FAM120A: variants seen among roughly 807,000 people sequenced by gnomAD.
FAM120A encodes the protein family with sequence similarity 120 member A, also known as constitutive coactivator of PPAR-gamma-like protein 1.
A neutral mutation model predicts 109.7 loss-of-function variants in FAM120A; 15 were observed. The observed-to-expected ratio is 0.14, with a 90% CI of 0.09 to 0.21. FAM120A has a LOEUF of 0.21. Among genes scored for constraint, FAM120A ranks in the 10% least tolerant of loss-of-function variants. The probability of loss-of-function intolerance (pLI) is 1.00; values close to 1 mark genes in which losing one functional copy is unlikely to be tolerated. For synonymous variants in FAM120A, 493 were observed against 572.8 expected, an observed-to-expected ratio of 0.86 and a Z score of 1.99; for missense variants, 899 against 1,439.3, an observed-to-expected ratio of 0.62 and a Z score of 6.07.
chr9:93,481,779 C>T (rs1858818599), intron 3 of FAM120A, among the ~76,000 whole-genome samples: 6 of 152,150 alleles, frequency 3.9e-5, no homozygotes, highest in Admixed American at 2.6e-4. Flanking sequence ...CTGCAGTTCC[C>T]AGTCTTTTTG....
chr9:93,478,283 T>G (rs942595715), intron 3 of FAM120A, among the ~76,000 whole-genome samples: 2 of 151,978 alleles, frequency 1.3e-5, no homozygotes, highest in African/African-American at 4.8e-5. Context: ...TTATAGGTTT[T>G]TTTTTTTTTG....
At chr9:93,490,803 C>T (rs1400158343) in intron 3 of FAM120A, among the ~76,000 whole-genome samples, 2 of 152,180 alleles carry the variant, frequency 1.3e-5, no homozygotes, top group Non-Finnish European at 2.9e-5. Context: ...TTCCTTAAGA[C>T]GCCCCTTGAG....
At chr9:93,559,267 C>T (rs1395506569) in intron 15 of FAM120A, among the ~76,000 whole-genome samples, 2 of 152,200 alleles carry the variant, frequency 1.3e-5, no homozygotes, top group African/African-American at 4.8e-5. Flanking sequence ...TAACATTTAG[C>T]ATAGGAAGCA....
intron 2 of FAM120A, among the ~76,000 whole-genome samples, chr9:93,474,100 A>G (rs1303900120): frequency 1.3e-5 from 2 of 152,160 alleles, no homozygotes; most frequent in East Asian, 1.9e-4. Context: ...ATCAATTGCA[A>G]TATGTTGTCA....
chr9:93,476,964 C>T (rs933315245), intron 3 of FAM120A, among the ~76,000 whole-genome samples: 5 of 152,078 alleles, frequency 3.3e-5, no homozygotes, highest in South Asian at 2.1e-4. Context: ...GAGATATGCA[C>T]GAGGCACTGG....
intron 12 of FAM120A, among the ~76,000 whole-genome samples, chr9:93,552,283 C>G (rs1472058162): frequency 2.0e-5 from 3 of 152,334 alleles, no homozygotes; most frequent in Non-Finnish European, 4.4e-5. Flanking sequence ...CAATCACACT[C>G]TAAGCTTTCA....
chr9:93,527,945 A>C (rs372448340), intron 8 of FAM120A, among the ~76,000 whole-genome samples: 1 of 151,904 alleles, frequency 6.6e-6, no homozygotes, highest in South Asian at 2.1e-4. Context: ...TTCTACTTCT[A>C]CCTGTTAATA....
chr9:93,539,233 G>A (rs1271321824), intron 10 of FAM120A, among the ~76,000 whole-genome samples: 1 of 152,014 alleles, frequency 6.6e-6, no homozygotes, highest in African/African-American at 2.4e-5. Flanking sequence ...TCCTGACCTC[G>A]TGATCCGCCC....
intron 3 of FAM120A, among the ~76,000 whole-genome samples, chr9:93,494,140 C>G (rs1217577008): frequency 1.3e-5 from 2 of 152,200 alleles, no homozygotes; most frequent in Non-Finnish European, 2.9e-5. Context: ...GAAGCTTCAG[C>G]TGCAGCTTTG....
At chr9:93,549,057 A>T (rs1273824920) in intron 11 of FAM120A, among the ~76,000 whole-genome samples, 1 of 150,998 alleles carries the variant, frequency 6.6e-6, no homozygotes, top group Admixed American at 6.6e-5. Flanking sequence ...AAAACAAAAC[A>T]AAAACAAACC....
chr9:93,455,952 C>T (rs944063345), intron 1 of FAM120A, among the ~76,000 whole-genome samples: 12 of 152,206 alleles, frequency 7.9e-5, no homozygotes, highest in African/African-American at 2.9e-4. Flanking sequence ...TGAGCCACTG[C>T]GCCTGGCCAG....
Position 93,558,727 on chromosome 9 carries a change from A to G in FAM120A, c.2806+9A>G. 6.2e-7 allele frequency: 1 copy of G among 1,612,122 alleles called. No individual in the cohort carries two copies. The highest frequency in any genetic ancestry group is 1.1e-5 in the South Asian group (1 of 91,038). ...TAGCAAGTCCCAGGGCGGTAATTATACCCACCCCTTCCCAGAGCTTCTGCC... is the reference window on the plus strand; with the variant it reads ...TAGCAAGTCCCAGGGCGGTAATTATGCCCACCCCTTCCCAGAGCTTCTGCC... On this transcript the variant is annotated intron_variant, in intron 15 of 17. Transcript: ENST00000277165.
intron 3 of FAM120A, among the ~76,000 whole-genome samples, chr9:93,482,678 G>A (rs901474317): frequency 1.3e-5 from 2 of 152,198 alleles, no homozygotes; most frequent in African/African-American, 4.8e-5. Flanking sequence ...AGGGCCGTCA[G>A]TCTGGCCTTC....
At chr9:93,476,381 C>A in intron 3 of FAM120A, 43 bp downstream of exon 3, 1 of 1,308,484 alleles carries the variant, frequency 7.6e-7, no homozygotes, top group Non-Finnish European at 1.1e-6. Context: ...TAATAATCAA[C>A]TGTGAGTTTG....
chr9:93,466,148 C>G lies in FAM120A; in HGVS notation c.475-4993C>G, dbSNP rs550205606. On this transcript the variant is annotated intron_variant, in intron 1 of 17. Transcript: ENST00000277165. ...TTCGCTTATTTATAACATCCTCATA[C>G]TTTGGAAGCAGTAGATGAGTCCAGT... 1.1e-4 allele frequency among the ~76,000 whole-genome samples: 16 copies of G among 152,218 alleles called. 1 individual carries two copies. In the South Asian group the frequency reaches 3.1e-3, roughly 30 times the overall value.
intron 1 of FAM120A, among the ~76,000 whole-genome samples, chr9:93,460,026 G>A (rs143532764): frequency 2.6e-5 from 4 of 152,220 alleles, no homozygotes; most frequent in Admixed American, 6.5e-5. Context: ...ATACACGCAG[G>A]TATACTTCCT....
At chr9:93,548,478 G>T (rs1373008620) in intron 11 of FAM120A, among the ~76,000 whole-genome samples, 1 of 152,180 alleles carries the variant, frequency 6.6e-6, no homozygotes, top group Non-Finnish European at 1.5e-5. Context: ...CTGGGAAGAT[G>T]AAAGGAGTTC....
At chr9:93,485,834 C>G (rs868117119) in intron 3 of FAM120A, among the ~76,000 whole-genome samples, 1 of 149,354 alleles carries the variant, frequency 6.7e-6, no homozygotes, top group Non-Finnish European at 1.5e-5. Flanking sequence ...ACTAATATGA[C>G]TTCTGTCTCT....
chr9:93,536,175 A>C (rs1588892889), intron 10 of FAM120A, among the ~76,000 whole-genome samples: 1 of 152,238 alleles, frequency 6.6e-6, no homozygotes, highest in Non-Finnish European at 1.5e-5. Context: ...TTGCTGTCTA[A>C]TCTATGGCCA....
Sources: allele counts gnomAD v4.1 joint callset (sites outside exome capture counted in the v4.1 genomes callset), GRCh38; gene constraint gnomAD v4.1.1; transcripts MANE v1.5; gene names NCBI Gene and HGNC (gene_info 2026-07-23, HGNC 2026-07-21).